Variants in MACROD2 observed in about 807,000 individuals in gnomAD.
The protein encoded by MACROD2 is ADP-ribose glycohydrolase MACROD2.
A neutral mutation model predicts 70.4 loss-of-function variants in MACROD2; 36 were observed. The observed-to-expected ratio is 0.51, with a 90% confidence interval of 0.39 to 0.68. MACROD2 has a LOEUF of 0.68. MACROD2 is among the 30% of genes least tolerant of loss of function. The pLI, the probability that MACROD2 is intolerant of heterozygous loss-of-function variation, is 0.00. For missense variants in MACROD2, 496 were observed against 538.4 expected, an observed-to-expected ratio of 0.92 and a Z score of 0.78; for synonymous variants, 172 against 178.8, an observed-to-expected ratio of 0.96 and a Z score of 0.30.
At chr20:15,565,134 AC>A (rs2048293953) in intron 8 of MACROD2, among the ~76,000 whole-genome samples, 8 of 152,230 alleles carry the variant, frequency 5.3e-5, no homozygotes, top group African/African-American at 2.4e-5. Flanking sequence ...AAGAGCTGTT[AC>A]GTGACCGCTG....
intron 6 of MACROD2, among the ~76,000 whole-genome samples, chr20:15,340,856 A>G (rs1600263822): frequency 1.3e-5 from 2 of 151,688 alleles, no homozygotes; most frequent in Non-Finnish European, 1.5e-5. Context: ...TTATTTATAT[A>G]TGGTAAATTT....
intron 3 of MACROD2, among the ~76,000 whole-genome samples, chr20:14,314,948 TA>T (rs2082600435): frequency 6.6e-6 from 1 of 152,164 alleles, no homozygotes; most frequent in African/African-American, 2.4e-5. Context: ...ACCAAGGCCA[TA>T]TCCCAAATAA....
intron 2 of MACROD2, among the ~76,000 whole-genome samples, chr20:14,055,980 C>G (rs1290268578): frequency 1.3e-5 from 2 of 152,056 alleles, no homozygotes; most frequent in African/African-American, 4.8e-5. Context: ...GAACCCCAGA[C>G]TGTGTTACCG....
intron 8 of MACROD2, among the ~76,000 whole-genome samples, chr20:15,777,425 C>T (rs2051740220): frequency 6.9e-6 from 1 of 145,440 alleles, no homozygotes; most frequent in Non-Finnish European, 1.5e-5. Flanking sequence ...ATGAAGAGAC[C>T]ACTGAGAGAC....
At chr20:15,139,573 C>G (rs1220753551) in intron 5 of MACROD2, among the ~76,000 whole-genome samples, 1 of 152,048 alleles carries the variant, frequency 6.6e-6, no homozygotes, top group Non-Finnish European at 1.5e-5. Flanking sequence ...CAGGAGCTGT[C>G]TCAGCTCAGA....
chr20:14,633,744 T>C (rs141164090), intron 4 of MACROD2, among the ~76,000 whole-genome samples: 1 of 152,240 alleles, frequency 6.6e-6, no homozygotes, highest in African/African-American at 2.4e-5. Context: ...CCTCTTGAGT[T>C]TTCACATACT....
chr20:15,378,295 A>AC (rs1167858848), intron 6 of MACROD2, among the ~76,000 whole-genome samples: 1 of 151,550 alleles, frequency 6.6e-6, no homozygotes, highest in East Asian at 1.9e-4. Context: ...AAAAAAAAAA[A>AC]AAAAAGGAAA....
rs2081808880 is a variant in MACROD2, at chr20:14,231,191, G to T, written c.271+145463G>T. Among the ~76,000 whole-genome samples the T allele has an allele frequency of 2.6e-5, 4 of 151,458 alleles. No homozygotes were observed. The South Asian group carries it at 6.3e-4, about 24-fold the overall frequency. ...TTAGGGTACATGTGCACAATGTGCA[G>T]GTTAGTTACATATGTATACATGTGC... On this transcript the variant is annotated intron_variant, in intron 3 of 17. Transcript: ENST00000684519.
At chr20:15,055,751 G>C (rs565667202) in intron 5 of MACROD2, among the ~76,000 whole-genome samples, 1 of 151,610 alleles carries the variant, frequency 6.6e-6, no homozygotes, top group South Asian at 2.1e-4. Flanking sequence ...TGTCAGAATT[G>C]CCAGCTTCTG....
intron 5 of MACROD2, among the ~76,000 whole-genome samples, chr20:14,794,255 C>G (rs912778432): frequency 6.6e-6 from 1 of 152,116 alleles, no homozygotes; most frequent in African/African-American, 2.4e-5. Context: ...GTTATATACT[C>G]AAATTATCTT....
At chr20:15,200,018 T>A (rs982260702) in intron 5 of MACROD2, among the ~76,000 whole-genome samples, 2 of 152,148 alleles carry the variant, frequency 1.3e-5, no homozygotes, top group African/African-American at 4.8e-5. Flanking sequence ...GTCTAAACAC[T>A]TAAACATTTA....
chr20:15,754,853 G>A (rs909160862), intron 8 of MACROD2, among the ~76,000 whole-genome samples: 2 of 149,776 alleles, frequency 1.3e-5, no homozygotes, highest in Non-Finnish European at 3.0e-5. Context: ...ATGGGGCCCA[G>A]GAGTTTGCTG....
chr20:14,177,144 G>T (rs1359840067), intron 3 of MACROD2, among the ~76,000 whole-genome samples: 2 of 151,970 alleles, frequency 1.3e-5, no homozygotes, highest in East Asian at 1.9e-4. Context: ...AATGTCCCAA[G>T]AAACTATTTT....
chr20:14,870,739 T>A (rs1263364936), intron 5 of MACROD2, among the ~76,000 whole-genome samples: 1 of 152,166 alleles, frequency 6.6e-6, no homozygotes, highest in Non-Finnish European at 1.5e-5. Context: ...GCCATGTGTA[T>A]GCTTTCTTTT....
intron 4 of MACROD2, among the ~76,000 whole-genome samples, chr20:14,582,585 T>G (rs1981106536): frequency 6.6e-6 from 1 of 152,102 alleles, no homozygotes; most frequent in African/African-American, 2.4e-5. Flanking sequence ...TGGGAGAGAT[T>G]TTTGCAGAGA....
chr20:14,316,489 C>G (rs2082612635), intron 3 of MACROD2, among the ~76,000 whole-genome samples: 2 of 152,204 alleles, frequency 1.3e-5, no homozygotes, highest in African/African-American at 4.8e-5. Flanking sequence ...CCATGGGCCA[C>G]AGGCAGCCCA....
At chr20:14,716,810 C>T (rs1453042143) in intron 5 of MACROD2, among the ~76,000 whole-genome samples, 4 of 151,934 alleles carry the variant, frequency 2.6e-5, no homozygotes, top group East Asian at 1.9e-4. Flanking sequence ...AGCTGATGAA[C>T]GAGACTAGCT....
intron 8 of MACROD2, among the ~76,000 whole-genome samples, chr20:15,633,767 TA>T (rs1443588594): frequency 1.3e-5 from 2 of 152,202 alleles, no homozygotes; most frequent in Non-Finnish European, 2.9e-5. Flanking sequence ...AATGAATGTT[TA>T]TTTTTTATGG....
rs534534556 is a variant in MACROD2 at position 14,714,472 on chromosome 20, C to T, written c.418+29513C>T. On this transcript the variant is annotated intron_variant, in intron 5 of 17. Transcript: ENST00000684519. ...TGTCACCTCCTGCAAAAGATTTCAA[C>T]GTGACCCATAAATATATTCTTATTT... Among the ~76,000 whole-genome samples, 90 of 152,252 alleles carry T rather than the reference C, an allele frequency of 5.9e-4. 1 individual carries two copies. In the South Asian group the frequency reaches 0.015, roughly 25 times the overall value.
Sources: allele counts gnomAD v4.1 joint callset (sites outside exome capture counted in the v4.1 genomes callset), GRCh38; gene constraint gnomAD v4.1.1; transcripts MANE v1.5; gene names NCBI Gene and HGNC (gene_info 2026-07-23, HGNC 2026-07-21).